DAPK2: variants seen among roughly 807,000 people sequenced by gnomAD.
DAPK2 encodes the protein death-associated protein kinase 2.
A neutral mutation model predicts 44.1 loss-of-function variants in DAPK2; 35 were observed. That is an observed-to-expected ratio of 0.79 (90% CI 0.61 to 1.05). The LOEUF is 1.05. DAPK2 is among the 50% of genes least tolerant of loss of function. DAPK2 has a pLI of 0.00. For synonymous variants in DAPK2, 174 were observed against 182.6 expected (o/e 0.95, Z 0.38); for missense variants, 453 against 483.2 (o/e 0.94, Z 0.59).
chr15:63,956,515 CA>C (rs1384061538), intron 3 of DAPK2, among the ~76,000 whole-genome samples: 1 of 151,892 alleles, frequency 6.6e-6, no homozygotes, highest in African/African-American at 2.4e-5. Context: ...GTATAGTTTC[CA>C]AAATTCCTCG....
chr15:63,914,926 T>C (rs1264085726), intron 8 of DAPK2, among the ~76,000 whole-genome samples: 11 of 152,226 alleles, frequency 7.2e-5, no homozygotes, highest in Admixed American at 7.2e-4. Flanking sequence ...TGCTACCCAA[T>C]ATTCTATTCT....
intron 2 of DAPK2, among the ~76,000 whole-genome samples, chr15:63,978,803 C>T (rs977225831): frequency 6.6e-6 from 1 of 152,198 alleles, no homozygotes; most frequent in Non-Finnish European, 1.5e-5. Flanking sequence ...CACGACCTGG[C>T]CTCATCTCTT....
At chr15:63,942,329 A>G in intron 3 of DAPK2, 1 of 816,000 alleles carries the variant, frequency 1.2e-6, no homozygotes, top group Non-Finnish European at 1.5e-6. Flanking sequence ...GGCAGGGGGT[A>G]TCACCTGAGG....
At chr15:63,919,218 C>G (rs2079007720) in intron 8 of DAPK2, 1 of 152,168 alleles carries the variant, frequency 6.6e-6, no homozygotes, top group African/African-American at 2.4e-5. Flanking sequence ...TCTTTAGAAG[C>G]TCTTTGTACA....
intron 1 of DAPK2, among the ~76,000 whole-genome samples, chr15:64,028,508 A>G (rs2079917862): frequency 6.6e-6 from 1 of 152,216 alleles, no homozygotes; most frequent in South Asian, 2.1e-4. Context: ...GTAGGGAGAA[A>G]AACTGCTATA....
intron 1 of DAPK2, among the ~76,000 whole-genome samples, chr15:64,027,298 C>A (rs1013733042): frequency 3.9e-5 from 6 of 152,184 alleles, no homozygotes; most frequent in Non-Finnish European, 1.5e-5. Context: ...ACGGGAGAAT[C>A]ACTTGAACCT....
chr15:63,929,893 T>C (rs2079474023), intron 5 of DAPK2: 5 of 526,782 alleles, frequency 9.5e-6, no homozygotes, highest in Admixed American at 7.0e-5. Flanking sequence ...AGGATAATGA[T>C]AACTACCTCA....
chr15:63,967,255 T>C (rs1396238908), intron 3 of DAPK2, among the ~76,000 whole-genome samples: 2 of 152,200 alleles, frequency 1.3e-5, no homozygotes, highest in East Asian at 1.9e-4. Flanking sequence ...GGTTTTTGGT[T>C]CTTACAAAGG....
At chr15:64,033,990 G>T (rs79829476) in intron 1 of DAPK2, among the ~76,000 whole-genome samples, 4,949 of 151,876 alleles carry the variant, frequency 0.033, 282 homozygotes, top group African/African-American at 0.11. Context: ...AGGGCAGAGG[G>T]AGTTCTACTT....
At chr15:63,983,369 G>C (rs916775968) in intron 2 of DAPK2, among the ~76,000 whole-genome samples, 164 bp downstream of exon 3, 7 of 152,292 alleles carry the variant, frequency 4.6e-5, no homozygotes, top group East Asian at 1.9e-4. Context: ...AAGGAGGAAG[G>C]GGGTAACTGA....
intron 1 of DAPK2, among the ~76,000 whole-genome samples, chr15:64,002,947 T>A: frequency 7.5e-6 from 1 of 132,988 alleles, no homozygotes; most frequent in African/African-American, 2.8e-5. Flanking sequence ...TGTGTGTGTG[T>A]GTGTGTGTGT....
chr15:63,929,972 A>C (rs1418525682), intron 5 of DAPK2: 1 of 438,918 alleles, frequency 2.3e-6, no homozygotes, highest in African/African-American at 2.0e-5. Context: ...AGCAGCGTCC[A>C]AATGAAACGA....
Position 63,912,206 on chromosome 15 carries a change from CA to C in DAPK2, c.859-10del. The C allele has an allele frequency of 6.2e-7, 1 of 1,613,796 alleles. No homozygotes were observed. The highest frequency in any genetic ancestry group is 8.5e-7 in the Non-Finnish European group (1 of 1,179,942). On this transcript the variant is annotated splice_polypyrimidine_tract_variant and intron_variant, in intron 8 of 10. Transcript: ENST00000261891. The surrounding 1 kb of genome is among the most constrained non-coding windows in gnomAD (Gnocchi z 4.4). ...TGCTGGTTGTCCACCGGCTGAGAGA[CA>C]AAGCAGAGCATGGCAGCTGATGCTG...
intron 3 of DAPK2, among the ~76,000 whole-genome samples, chr15:63,948,744 C>T (rs1440599312): frequency 6.6e-6 from 1 of 152,218 alleles, no homozygotes. Context: ...ACTTGTAGCA[C>T]TTCACAGTTT....
chr15:63,970,012 T>C (rs1219514174), intron 3 of DAPK2, among the ~76,000 whole-genome samples: 1 of 152,244 alleles, frequency 6.6e-6, no homozygotes, highest in East Asian at 1.9e-4. Flanking sequence ...AATCCTCAGA[T>C]TGACCTCTGC....
intron 1 of DAPK2, among the ~76,000 whole-genome samples, chr15:64,025,425 G>A (rs2079810938): frequency 6.6e-6 from 1 of 152,156 alleles, no homozygotes. Flanking sequence ...ATTGACCTAG[G>A]TGGACAGTGC....
chr15:64,026,441 G>C (rs907594131), intron 1 of DAPK2, among the ~76,000 whole-genome samples: 1 of 151,872 alleles, frequency 6.6e-6, no homozygotes, highest in South Asian at 2.1e-4. Context: ...TCAGGGTTTC[G>C]CCATGTTGGC....
chr15:63,956,989 C>T (rs937067813), intron 3 of DAPK2, among the ~76,000 whole-genome samples: 7 of 152,180 alleles, frequency 4.6e-5, no homozygotes, highest in Non-Finnish European at 1.0e-4. Context: ...TTAGATGAAA[C>T]GTTCTGTAAA....
chr15:64,029,458 A>T (rs2079948048), intron 1 of DAPK2, among the ~76,000 whole-genome samples: 1 of 152,054 alleles, frequency 6.6e-6, no homozygotes, highest in Non-Finnish European at 1.5e-5. Context: ...CTCACCCTTG[A>T]GGTAGTTACC....
Sources: allele counts gnomAD v4.1 joint callset (sites outside exome capture counted in the v4.1 genomes callset), GRCh38; gene constraint gnomAD v4.1.1; non-coding constraint Gnocchi (gnomAD v3.1); transcripts MANE v1.5; gene names NCBI Gene and HGNC (gene_info 2026-07-23, HGNC 2026-07-21).